The following RPS6KA2 variants were observed in gnomAD, a reference collection of about 807,000 sequenced individuals.
RPS6KA2 encodes ribosomal protein S6 kinase alpha-2.
A neutral mutation model predicts 91.8 loss-of-function variants in RPS6KA2; 42 were observed. That is an observed-to-expected ratio of 0.46 (90% confidence interval 0.36 to 0.59). The LOEUF (loss-of-function observed/expected upper bound fraction) is 0.59, where lower values mean the gene tolerates loss of function less well. RPS6KA2 is among the 20% of genes least tolerant of loss of function. The pLI is 0.00. For synonymous variants in RPS6KA2, 414 were observed against 393.6 expected (o/e 1.05, Z -0.61); for missense variants, 798 against 978.5 (o/e 0.82, Z 2.46).
chr6:166,854,266 C>T (rs1780826849), intron 2 of RPS6KA2, among the ~76,000 whole-genome samples: 2 of 152,202 alleles, frequency 1.3e-5, no homozygotes, highest in African/African-American at 2.4e-5. Flanking sequence ...AAGCTTCACA[C>T]GGGACCTTCA....
chr6:166,471,350 G>T (rs1394201003), intron 10 of RPS6KA2, among the ~76,000 whole-genome samples: 1 of 152,192 alleles, frequency 6.6e-6, no homozygotes, highest in African/African-American at 2.4e-5. Flanking sequence ...CCGCACTCTG[G>T]GCAGTGATGT....
Position 166,437,195 on chromosome 6 carries a change from T to G in RPS6KA2, c.1333-4705A>C, listed in dbSNP as rs530209707. Among the ~76,000 whole-genome samples, 1 of 152,126 alleles carries G rather than the reference T, an allele frequency of 6.6e-6. No homozygotes were observed. The highest frequency in any genetic ancestry group is 1.5e-5 in the Non-Finnish European group (1 of 68,016). On this transcript the variant is annotated intron_variant, in intron 14 of 20. Transcript: ENST00000265678. The surrounding 1 kb of genome is among the most constrained non-coding windows in gnomAD (Gnocchi z 4.3). ...GCAGCCGGGGTTTGGACACACTGTT[T>G]AGGAGCACCAGGGAGTGGGCCCCAA... is the stretch of plus-strand genomic sequence containing the variant.
intron 10 of RPS6KA2, among the ~76,000 whole-genome samples, chr6:166,485,370 T>C (rs1441111431): frequency 6.6e-6 from 1 of 152,136 alleles, no homozygotes; most frequent in Admixed American, 6.5e-5. Flanking sequence ...GCAAACTCGA[T>C]TCTAAGGCAG....
chr6:166,605,074 G>A (rs1785897333), intron 1 of RPS6KA2, among the ~76,000 whole-genome samples: 2 of 152,158 alleles, frequency 1.3e-5, no homozygotes, highest in Admixed American at 1.3e-4. Context: ...ACTCTTCACT[G>A]GGAATATCCC....
intron 1 of RPS6KA2, among the ~76,000 whole-genome samples, chr6:166,580,234 C>T (rs540142625): frequency 1.3e-5 from 2 of 152,330 alleles, no homozygotes; most frequent in Non-Finnish European, 2.9e-5. Context: ...CACAGTCACC[C>T]GATGGCTCTC....
intron 2 of RPS6KA2, among the ~76,000 whole-genome samples, chr6:166,686,787 G>A (rs577217992): frequency 1.4e-4 from 22 of 152,262 alleles, no homozygotes; most frequent in African/African-American, 4.3e-4. Context: ...GCACCAAGCC[G>A]AGAGCACTCA....
At chr6:166,630,526 T>G (rs1787044022), upstream of RPS6KA2, among the ~76,000 whole-genome samples, 1 of 152,250 alleles carries the variant, frequency 6.6e-6, no homozygotes, top group African/African-American at 2.4e-5. Context: ...GATGCAAAAC[T>G]TCACCAGGAT....
intron 12 of RPS6KA2, among the ~76,000 whole-genome samples, chr6:166,458,614 G>C (rs775870866): frequency 1.3e-5 from 2 of 152,164 alleles, no homozygotes; most frequent in Non-Finnish European, 2.9e-5. Context: ...AGAAGACAGA[G>C]AGACACCAGA....
chr6:166,713,656 C>T (rs1472693368), intron 2 of RPS6KA2, among the ~76,000 whole-genome samples: 1 of 152,202 alleles, frequency 6.6e-6, no homozygotes, highest in Non-Finnish European at 1.5e-5. Flanking sequence ...TTTATGTGTT[C>T]TGGAAGCAAA....
chr6:166,788,903 C>G (rs995288930), intron 2 of RPS6KA2, among the ~76,000 whole-genome samples: 2 of 152,130 alleles, frequency 1.3e-5, no homozygotes, highest in Admixed American at 6.5e-5. Context: ...TGAATAGGAA[C>G]AGCTCCAGTC....
intron 12 of RPS6KA2, among the ~76,000 whole-genome samples, chr6:166,453,324 A>G (rs1467368690): frequency 6.6e-6 from 1 of 152,196 alleles, no homozygotes; most frequent in African/African-American, 2.4e-5. Flanking sequence ...TGCAACTGAC[A>G]GGGGAGTAAT....
At chr6:166,487,078 G>A (rs1334904552) in intron 10 of RPS6KA2, among the ~76,000 whole-genome samples, 2 of 152,302 alleles carry the variant, frequency 1.3e-5, no homozygotes, top group East Asian at 1.9e-4. Context: ...GAAGACCTTC[G>A]GCAAACACCG....
Position 166,480,475 on chromosome 6 carries a change from GATTTTATATATATATATATAT to G in RPS6KA2, c.907+8337_907+8357del, listed in dbSNP as rs1376370232. Among the ~76,000 whole-genome samples, 82 of 61,000 alleles carry G rather than the reference GATTTTATATATATATATATAT, an allele frequency of 1.3e-3. 3 individuals are homozygous for G. In the Admixed American group the frequency reaches 0.019, roughly 14 times the overall value. 40.0% of individuals were successfully genotyped at this position (61,000 alleles called of 152,430 possible). A position where few individuals can be genotyped will look rare whatever the true frequency, so the allele number is the denominator to read the frequency against. On this transcript the variant is annotated intron_variant, in intron 10 of 20. Transcript: ENST00000265678. ...AGAATCTTATATTCCTTAAGATTGT[GATTTTATATATATATATATAT>G]ATATATATATATATATATAATATAT...
chr6:166,558,944 C>T (rs1185382701), intron 1 of RPS6KA2, among the ~76,000 whole-genome samples: 1 of 152,126 alleles, frequency 6.6e-6, no homozygotes, highest in Non-Finnish European at 1.5e-5. Context: ...ATTGGAGTTT[C>T]AGAGTTTTTG....
intron 2 of RPS6KA2, among the ~76,000 whole-genome samples, chr6:166,709,353 T>C (rs1439166439): frequency 1.7e-4 from 26 of 148,660 alleles, no homozygotes; most frequent in African/African-American, 6.3e-4. Context: ...ATGGGCTGAG[T>C]AAGTTGGCTC....
chr6:166,840,557 T>G (rs970228555), intron 2 of RPS6KA2, among the ~76,000 whole-genome samples: 7 of 152,122 alleles, frequency 4.6e-5, no homozygotes, highest in African/African-American at 7.2e-5. Context: ...CCAGCAGCAC[T>G]CTGAGGATAT....
intron 2 of RPS6KA2, among the ~76,000 whole-genome samples, chr6:166,534,634 G>C (rs138435085): frequency 2.1e-3 from 316 of 152,352 alleles, no homozygotes; most frequent in African/African-American, 7.5e-3. Flanking sequence ...TTTTGCATAG[G>C]TCTTGACACA....
chr6:166,693,990 A>G (rs1789288706), intron 2 of RPS6KA2, among the ~76,000 whole-genome samples: 2 of 152,226 alleles, frequency 1.3e-5, no homozygotes, highest in African/African-American at 4.8e-5. Context: ...CATTCTGTTA[A>G]ATGACAAAAT....
At chr6:166,860,083 G>A (rs914665389) in intron 1 of RPS6KA2, among the ~76,000 whole-genome samples, 2 of 152,112 alleles carry the variant, frequency 1.3e-5, no homozygotes, top group Non-Finnish European at 2.9e-5. Flanking sequence ...CAAAACTAGA[G>A]AGGAAATTCA....
Sources: gnomAD v4.1 joint callset for allele counts (sites outside exome capture counted in the v4.1 genomes callset) on GRCh38, gnomAD v4.1.1 for gene constraint, Gnocchi (gnomAD v3.1) non-coding constraint, MANE v1.5 for transcripts, NCBI Gene and HGNC (gene_info 2026-07-23, HGNC 2026-07-21) for gene names.